Variants in PRKG1 observed in about 807,000 individuals in gnomAD.
The protein encoded by PRKG1 is protein kinase cGMP-dependent 1.
Under a neutral mutation model 88.1 loss-of-function variants are expected in PRKG1, and 35 were observed. That is an observed-to-expected ratio of 0.40 (90% CI 0.30 to 0.53). The LOEUF (loss-of-function observed/expected upper bound fraction) is 0.53. Among genes scored for constraint, PRKG1 ranks in the 20% least tolerant of loss-of-function variants. The probability of loss-of-function intolerance (pLI) is 0.59; values close to 1 mark genes in which losing one functional copy is unlikely to be tolerated. For missense variants in PRKG1, 540 were observed against 839.8 expected, an observed-to-expected ratio of 0.64 and a Z score of 4.41; for synonymous variants, 303 against 292.5, an observed-to-expected ratio of 1.04 and a Z score of -0.37.
In PRKG1 at chr10:51,858,284, TA is replaced by T. The variant is rs1460937190; in HGVS notation, c.699-49221del. On this transcript the variant is annotated intron_variant, in intron 4 of 17. Coordinates refer to ENST00000373980, the MANE Select transcript of PRKG1 (RefSeq NM_006258.4). ...ATATATATAATATTATACATATGTA[TA>T]ATTATACATATGTATAATATATATA... 1.2e-3 allele frequency among the ~76,000 whole-genome samples: 19 copies of T among 16,172 alleles called. 7 individuals carry two copies. Among genetic ancestry groups the T allele is most frequent in the African/African-American group, 4.6e-3 (11 of 2,386 alleles). 10.6% of individuals were successfully genotyped at this position (16,172 alleles called of 152,430 possible). A position where few individuals can be genotyped will look rare whatever the true frequency, so the allele number is the denominator to read the frequency against.
chr10:51,627,286 GA>G lies in PRKG1; in HGVS notation c.592+159458del, dbSNP rs539234801. Among the ~76,000 whole-genome samples, 228 of 151,854 alleles carry G rather than the reference GA, an allele frequency of 1.5e-3. 3 individuals are homozygous for G. In the South Asian group the frequency reaches 0.021, roughly 14 times the overall value. On this transcript the variant is annotated intron_variant, in intron 3 of 17. Coordinates refer to ENST00000373980, the MANE Select transcript of PRKG1 (RefSeq NM_006258.4). ...CAGCTTACTAGGAATGGGATACATG[GA>G]AAAAAAATGATATTGGTGAAAGCTT...
intron 5 of PRKG1, among the ~76,000 whole-genome samples, chr10:52,020,578 G>A (rs1415577949): frequency 1.3e-5 from 2 of 152,150 alleles, no homozygotes; most frequent in East Asian, 3.9e-4. Context: ...ACCCAAGTGG[G>A]CACATGAAGG....
intron 2 of PRKG1, among the ~76,000 whole-genome samples, chr10:51,187,947 G>C (rs1837535853): frequency 6.6e-6 from 1 of 152,010 alleles, no homozygotes; most frequent in Admixed American, 6.6e-5. Flanking sequence ...TGATAGGGAA[G>C]AAAATTATGT....
At chr10:52,054,274 A>G (rs1846056755) in intron 5 of PRKG1, among the ~76,000 whole-genome samples, 1 of 152,176 alleles carries the variant, frequency 6.6e-6, no homozygotes. Flanking sequence ...TGTAATAATA[A>G]TAAAAAAAGA....
At chr10:52,273,074 C>G (rs1341363462) in intron 12 of PRKG1, among the ~76,000 whole-genome samples, 2 of 152,000 alleles carry the variant, frequency 1.3e-5, no homozygotes, top group Non-Finnish European at 2.9e-5. Flanking sequence ...TACCTTCTTA[C>G]CCTTCCAGGG....
chr10:51,074,770 G>T lies in PRKG1; in HGVS notation c.180G>T (p.Ala60=). ...TGATCCGACCAGCCACCCAGCAGGC[G>T]CAGAAGCAGAGCGCGAGCACCTTGC... ...RSVIRPATQQ[A]QKQSASTLQG... Residue 60 remains alanine, a synonymous_variant, in exon 1 of 18, where the codon GCG becomes GCT. Coordinates refer to ENST00000373980, the MANE Select transcript of PRKG1 (RefSeq NM_006258.4). The T allele has an allele frequency of 1.2e-6, 2 of 1,613,978 alleles. No individual in the cohort carries two copies. Among genetic ancestry groups the T allele is most frequent in the Non-Finnish European group, 1.7e-6 (2 of 1,179,942 alleles).
chr10:51,913,439 T>C (rs1331626689), intron 5 of PRKG1, among the ~76,000 whole-genome samples: 1 of 152,226 alleles, frequency 6.6e-6, no homozygotes, highest in Non-Finnish European at 1.5e-5. Context: ...AATGTTTAGC[T>C]GTCACTTATA....
intron 3 of PRKG1, among the ~76,000 whole-genome samples, chr10:51,731,106 AC>A (rs1842262273): frequency 1.3e-5 from 2 of 152,196 alleles, no homozygotes; most frequent in African/African-American, 2.4e-5. Flanking sequence ...CAGTGAGCCG[AC>A]ATGATGCCAC....
chr10:52,208,789 G>A (rs996323410), intron 9 of PRKG1, among the ~76,000 whole-genome samples: 5 of 152,046 alleles, frequency 3.3e-5, no homozygotes, highest in African/African-American at 9.7e-5. Flanking sequence ...TTAAAAGCCT[G>A]TTCTTTAACT....
At chr10:51,889,983 A>G (rs1841676473) in intron 4 of PRKG1, among the ~76,000 whole-genome samples, 1 of 152,108 alleles carries the variant, frequency 6.6e-6, no homozygotes. Flanking sequence ...AGTAGATTGC[A>G]AAAATTTTCT....
chr10:51,492,674 A>C (rs1840736663), intron 3 of PRKG1, among the ~76,000 whole-genome samples: 2 of 152,152 alleles, frequency 1.3e-5, no homozygotes, highest in African/African-American at 4.8e-5. Flanking sequence ...AAGCAATCAA[A>C]ATGAATGAAA....
intron 2 of PRKG1, among the ~76,000 whole-genome samples, chr10:51,310,697 G>T (rs1212527234): frequency 2.0e-5 from 3 of 152,002 alleles, no homozygotes; most frequent in Non-Finnish European, 2.9e-5. Context: ...CAGTCACTTA[G>T]ACATATGGCC....
chr10:51,868,631 C>T (rs1841078704), intron 4 of PRKG1, among the ~76,000 whole-genome samples: 1 of 152,020 alleles, frequency 6.6e-6, no homozygotes, highest in African/African-American at 2.4e-5. Flanking sequence ...CTGCCCAACC[C>T]ACAGTTTCCC....
At position 52,271,494 on chromosome 10, in the gene PRKG1, A is replaced by G; in HGVS notation, c.1313+5A>G. The G allele has an allele frequency of 1.2e-5, 20 of 1,611,518 alleles. No homozygotes were observed. The highest frequency in any genetic ancestry group is 1.7e-5 in the Non-Finnish European group (20 of 1,178,482). The stretch of plus-strand genomic sequence containing the variant: ...TCATTCCGATTTCATAGTGAGGTAA[A>G]GGCTCCATGCCAGGGACAGACGTAC... On this transcript the variant is annotated splice_donor_5th_base_variant and intron_variant, in intron 11 of 17. Coordinates refer to ENST00000373980, the MANE Select transcript of PRKG1 (RefSeq NM_006258.4).
chr10:51,264,638 G>C (rs927987193), intron 2 of PRKG1, among the ~76,000 whole-genome samples: 9 of 152,076 alleles, frequency 5.9e-5, no homozygotes, highest in African/African-American at 2.2e-4. Flanking sequence ...CTTGGGCTTT[G>C]GTTTGTAAGA....
At chr10:51,781,392 G>C (rs1435330135) in intron 3 of PRKG1, among the ~76,000 whole-genome samples, 1 of 152,072 alleles carries the variant, frequency 6.6e-6, no homozygotes, top group African/African-American at 2.4e-5. Context: ...TTTCCCCAAA[G>C]GCAAGAGGGA....
At chr10:52,030,882 G>C (rs1197632133) in intron 5 of PRKG1, among the ~76,000 whole-genome samples, 2 of 152,294 alleles carry the variant, frequency 1.3e-5, no homozygotes, top group Non-Finnish European at 2.9e-5. Context: ...AATTTTGCTT[G>C]TGAGGGAAAG....
At chr10:51,477,330 G>T (rs966276054) in intron 3 of PRKG1, among the ~76,000 whole-genome samples, 2 of 150,092 alleles carry the variant, frequency 1.3e-5, no homozygotes, top group Non-Finnish European at 3.0e-5. Flanking sequence ...AAACTAGATC[G>T]AGACAAATAG....
intron 3 of PRKG1, among the ~76,000 whole-genome samples, chr10:51,649,684 G>T (rs1293757241): frequency 1.3e-5 from 2 of 152,122 alleles, no homozygotes; most frequent in African/African-American, 4.8e-5. Flanking sequence ...ACGAAAGCAG[G>T]GATTTATAGA....
Sources: gnomAD v4.1 joint callset for allele counts (sites outside exome capture counted in the v4.1 genomes callset) on GRCh38, gnomAD v4.1.1 for gene constraint, MANE v1.5 for transcripts, NCBI Gene and HGNC (gene_info 2026-07-23, HGNC 2026-07-21) for gene names.